RBM26: variants seen among roughly 807,000 people sequenced by gnomAD.
The protein encoded by RBM26 is RNA-binding protein 26.
A neutral mutation model predicts 123.6 loss-of-function variants in RBM26; 30 were observed. That is an observed-to-expected ratio of 0.24 (90% CI 0.18 to 0.33). RBM26 has a LOEUF of 0.33. Ranked by LOEUF, RBM26 falls within the 10% of genes least tolerant of loss-of-function variation. The pLI is 1.00. For missense variants in RBM26, 947 were observed against 1,203.6 expected (o/e 0.79, Z 3.15); for synonymous variants, 400 against 404.4 (o/e 0.99, Z 0.13).
At chr13:79,399,812 G>A (rs748816718) in intron 1 of RBM26, among the ~76,000 whole-genome samples, 4 of 152,138 alleles carry the variant, frequency 2.6e-5, no homozygotes, top group Non-Finnish European at 5.9e-5. Context: ...TGAATGGGAG[G>A]AAGGAGAAGC....
chr13:79,321,118 A>G (rs898478035), intron 21 of RBM26, among the ~76,000 whole-genome samples: 3 of 151,402 alleles, frequency 2.0e-5, no homozygotes, highest in Non-Finnish European at 4.4e-5. Flanking sequence ...CAAGATTTAT[A>G]TTTATATTTA....
intron 3 of RBM26, among the ~76,000 whole-genome samples, chr13:79,375,405 A>T (rs2076594633): frequency 1.3e-5 from 2 of 151,966 alleles, no homozygotes; most frequent in Admixed American, 1.3e-4. Flanking sequence ...TCCTGACCTA[A>T]GGTGATCCAC....
chr13:79,398,240 G>C (rs551408686), intron 1 of RBM26, among the ~76,000 whole-genome samples: 1 of 152,284 alleles, frequency 6.6e-6, no homozygotes, highest in East Asian at 1.9e-4. Context: ...TTTAGCTCAA[G>C]CTTCAGTTAG....
intron 1 of RBM26, among the ~76,000 whole-genome samples, chr13:79,388,490 G>A (rs954092428): frequency 1.3e-4 from 20 of 152,300 alleles, no homozygotes; most frequent in Middle Eastern, 3.4e-3. Context: ...AATCACTTCA[G>A]TATAGCAATA....
intron 3 of RBM26, among the ~76,000 whole-genome samples, chr13:79,372,609 G>A (rs1201039127): frequency 6.7e-6 from 1 of 149,108 alleles, no homozygotes; most frequent in African/African-American, 2.5e-5. Context: ...TGGACTTGGT[G>A]TGGTACCAAA....
chr13:79,341,086 T>C, intron 18 of RBM26, 37 bp downstream of exon 18: 1 of 1,240,368 alleles, frequency 8.1e-7, no homozygotes, highest in African/African-American at 1.5e-5. Context: ...TACATTTGCT[T>C]CTTTTAAGCC....
intron 15 of RBM26, 22 bp downstream of exon 15, chr13:79,344,646 TA>T: frequency 6.3e-7 from 1 of 1,592,104 alleles, no homozygotes; most frequent in Non-Finnish European, 8.5e-7. Context: ...AAAAATTTTT[TA>T]TACTATACCA....
At chr13:79,391,668 C>T (rs1212859184) in intron 1 of RBM26, among the ~76,000 whole-genome samples, 1 of 152,126 alleles carries the variant, frequency 6.6e-6, no homozygotes, top group Admixed American at 6.5e-5. Flanking sequence ...AAATGATCCA[C>T]CCACCTCAGC....
chr13:79,354,595 A>C, intron 12 of RBM26, 25 bp from the exon 13 acceptor site: 4 of 1,552,704 alleles, frequency 2.6e-6, no homozygotes, highest in Non-Finnish European at 3.5e-6. Context: ...AAAATGTTAA[A>C]CAAGTTGATT....
intron 20 of RBM26, among the ~76,000 whole-genome samples, chr13:79,328,421 T>A (rs1056583934): frequency 6.6e-6 from 1 of 151,540 alleles, no homozygotes; most frequent in Non-Finnish European, 1.5e-5. Flanking sequence ...TTTCACTCCT[T>A]AGACCAAATA....
chr13:79,393,099 G>C (rs1483654143), intron 1 of RBM26, among the ~76,000 whole-genome samples: 1 of 152,198 alleles, frequency 6.6e-6, no homozygotes, highest in Non-Finnish European at 1.5e-5. Flanking sequence ...AGAACTACAA[G>C]AGATTACCAA....
intron 11 of RBM26, among the ~76,000 whole-genome samples, chr13:79,356,385 CAAACAAA>C (rs2074010799): frequency 3.2e-4 from 4 of 12,394 alleles, no homozygotes; most frequent in African/African-American, 6.9e-4. Context: ...AAAAAAAAAA[CAAACAAA>C]AAAAAACAAA....
rs1318932007 is a variant in RBM26 at position 79,358,483 on chromosome 13, A to G, written c.1530-50T>C. On this transcript the variant is annotated intron_variant, in intron 10 of 21. Transcript: ENST00000438737. Reference sequence around the variant, plus strand: ...AATACATTTATAAATCCTGACCCTAACCAAATACAAGGGAATAAAGTTTAA... The same window carrying G: ...AATACATTTATAAATCCTGACCCTAGCCAAATACAAGGGAATAAAGTTTAA... The G allele has an allele frequency of 7.2e-6, 10 of 1,381,978 alleles. No individual in the cohort carries two copies. The South Asian group carries it at 1.3e-4, about 18-fold the overall frequency. The allele number at this position is 1,381,978 out of a possible 1,614,324, so 85.6% of individuals were successfully genotyped here.
chr13:79,358,232 A>G (rs755484151), intron 11 of RBM26, 42 bp downstream of exon 11: 3 of 1,501,722 alleles, frequency 2.0e-6, no homozygotes, highest in South Asian at 1.3e-5. Flanking sequence ...TAAGTTCCCT[A>G]AACAGAAAGA....
chr13:79,370,190 C>T (rs937780508), intron 5 of RBM26, among the ~76,000 whole-genome samples: 2 of 152,096 alleles, frequency 1.3e-5, no homozygotes, highest in African/African-American at 2.4e-5. Flanking sequence ...GTGGCACTTG[C>T]CTGTAATCCC....
At chr13:79,312,544 A>G (rs2066923373) in exon 5 of RBM26, 2 of 152,052 alleles carry the variant, frequency 1.3e-5, no homozygotes, top group South Asian at 4.1e-4. Context: ...AGACATGGGA[A>G]TTTAAAGCAA....
At chr13:79,351,646 T>A (rs1279564945) in intron 14 of RBM26, among the ~76,000 whole-genome samples, 3 of 150,302 alleles carry the variant, frequency 2.0e-5, no homozygotes, top group African/African-American at 4.9e-5. Flanking sequence ...ACCAAAAAAA[T>A]AAAATAAAAT....
chr13:79,378,166 A>C (rs1302720561), intron 2 of RBM26, among the ~76,000 whole-genome samples: 1 of 152,224 alleles, frequency 6.6e-6, no homozygotes, highest in African/African-American at 2.4e-5. Context: ...AGGTACAAAA[A>C]GCTGAAAAGC....
At chr13:79,320,850 A>G (rs1337955262) in intron 21 of RBM26, 140 bp from the exon 22 acceptor site, 1 of 1,016,590 alleles carries the variant, frequency 9.8e-7, no homozygotes, top group African/African-American at 1.6e-5. Context: ...TTCACAAAAC[A>G]AAGAAAAGCA....
Sources: gnomAD v4.1 joint callset for allele counts (sites outside exome capture counted in the v4.1 genomes callset) on GRCh38, gnomAD v4.1.1 for gene constraint, MANE v1.5 for transcripts, NCBI Gene and HGNC (gene_info 2026-07-23, HGNC 2026-07-21) for gene names.